Variants in AGBL4 observed in about 807,000 individuals in gnomAD.
AGBL4 encodes cytosolic carboxypeptidase 6.
In AGBL4, 58 loss-of-function variants were observed where a neutral mutation model predicts 66.4. The observed-to-expected ratio is 0.87, with a 90% CI of 0.71 to 1.09. The LOEUF is 1.09. Among genes scored for constraint, AGBL4 ranks in the 50% least tolerant of loss-of-function variants. AGBL4 has a pLI of 0.00. For synonymous variants in AGBL4, 234 were observed against 222.9 expected (o/e 1.05, Z -0.44); for missense variants, 579 against 631.0 (o/e 0.92, Z 0.88).
At chr1:49,945,078 C>A (rs962286323) in intron 1 of AGBL4, among the ~76,000 whole-genome samples, 12 of 152,024 alleles carry the variant, frequency 7.9e-5, no homozygotes, top group African/African-American at 2.9e-4. Flanking sequence ...GTTAAATGAC[C>A]AAACCTAAGA....
intron 5 of AGBL4, among the ~76,000 whole-genome samples, chr1:48,912,103 G>C (rs1346201783): frequency 1.3e-5 from 2 of 152,132 alleles, no homozygotes; most frequent in Non-Finnish European, 2.9e-5. Flanking sequence ...CACTATGCTA[G>C]CCACGGAAAA....
At chr1:49,941,947 T>A (rs531907091) in intron 1 of AGBL4, among the ~76,000 whole-genome samples, 1 of 152,172 alleles carries the variant, frequency 6.6e-6, no homozygotes, top group Non-Finnish European at 1.5e-5. Flanking sequence ...AATTATATGA[T>A]CTTTTACATA....
intron 5 of AGBL4, among the ~76,000 whole-genome samples, chr1:49,030,663 G>A (rs1462818625): frequency 6.6e-6 from 1 of 151,884 alleles, no homozygotes; most frequent in Non-Finnish European, 1.5e-5. Flanking sequence ...GATAATATGA[G>A]GTAGAAGTTT....
At chr1:49,791,439 A>C (rs1341762733) in intron 2 of AGBL4, among the ~76,000 whole-genome samples, 3 of 152,046 alleles carry the variant, frequency 2.0e-5, no homozygotes, top group African/African-American at 7.2e-5. Context: ...CACCTTCCAT[A>C]TAGTATTGTC....
intron 3 of AGBL4, among the ~76,000 whole-genome samples, chr1:49,356,726 A>T (rs1644027082): frequency 6.6e-6 from 1 of 152,224 alleles, no homozygotes; most frequent in Admixed American, 6.5e-5. Flanking sequence ...GAAGTGTGTT[A>T]GTGCTGAAGG....
chr1:48,927,996 G>A (rs1320018407), intron 5 of AGBL4, among the ~76,000 whole-genome samples: 5 of 152,166 alleles, frequency 3.3e-5, no homozygotes, highest in African/African-American at 9.7e-5. Context: ...ATATCTAAGT[G>A]TATGCGTTTT....
intron 5 of AGBL4, among the ~76,000 whole-genome samples, chr1:48,992,747 C>T (rs928245229): frequency 1.3e-5 from 2 of 152,120 alleles, no homozygotes; most frequent in Non-Finnish European, 2.9e-5. Context: ...AGAGGCCTCT[C>T]TCCCTGTGGC....
intron 5 of AGBL4, among the ~76,000 whole-genome samples, chr1:48,884,988 A>T (rs1481798070): frequency 6.6e-6 from 1 of 152,024 alleles, no homozygotes; most frequent in East Asian, 1.9e-4. Flanking sequence ...TAAAAAAAAA[A>T]AAAAAAAGGT....
intron 5 of AGBL4, among the ~76,000 whole-genome samples, chr1:48,951,856 A>G (rs1657016142): frequency 6.6e-6 from 1 of 152,246 alleles, no homozygotes; most frequent in African/African-American, 2.4e-5. Context: ...GCTAACAGGA[A>G]GTGTTGAGGA....
intron 9 of AGBL4, among the ~76,000 whole-genome samples, chr1:48,612,552 G>A (rs923757441): frequency 1.3e-5 from 2 of 152,210 alleles, no homozygotes; most frequent in African/African-American, 2.4e-5. Context: ...CATTGTCTCA[G>A]TACAAAGATC....
At chr1:49,309,804 G>C (rs889639098) in intron 3 of AGBL4, among the ~76,000 whole-genome samples, 8 of 152,062 alleles carry the variant, frequency 5.3e-5, no homozygotes, top group African/African-American at 1.9e-4. Flanking sequence ...TTAAACAAAT[G>C]CATTACCAAA....
chr1:49,329,403 T>C (rs1645286808), intron 3 of AGBL4, among the ~76,000 whole-genome samples: 1 of 151,736 alleles, frequency 6.6e-6, no homozygotes, highest in African/African-American at 2.4e-5. Flanking sequence ...CGGTGGTTCA[T>C]GCCCGTAATC....
At chr1:48,912,407 T>C (rs1653211440) in intron 5 of AGBL4, among the ~76,000 whole-genome samples, 1 of 152,168 alleles carries the variant, frequency 6.6e-6, no homozygotes. Context: ...TGAAGATTGC[T>C]AGAGGGAGAG....
intron 6 of AGBL4, among the ~76,000 whole-genome samples, chr1:48,794,677 C>A (rs927578662): frequency 6.6e-6 from 1 of 152,174 alleles, no homozygotes; most frequent in Non-Finnish European, 1.5e-5. Context: ...TCTTTAAGTT[C>A]TTTTGACCTC....
intron 3 of AGBL4, among the ~76,000 whole-genome samples, chr1:49,447,267 A>G (rs1463333717): frequency 1.3e-5 from 2 of 152,174 alleles, no homozygotes; most frequent in African/African-American, 2.4e-5. Flanking sequence ...CAGGCTCTGG[A>G]AAGTGCATAC....
intron 3 of AGBL4, among the ~76,000 whole-genome samples, chr1:49,263,871 CA>C (rs1653474531): frequency 6.6e-6 from 1 of 151,678 alleles, no homozygotes; most frequent in African/African-American, 2.4e-5. Context: ...AATAGGAAAA[CA>C]AAAAAGTAAC....
intron 3 of AGBL4, among the ~76,000 whole-genome samples, chr1:49,589,135 A>G (rs1644706820): frequency 6.6e-6 from 1 of 152,162 alleles, no homozygotes; most frequent in African/African-American, 2.4e-5. Context: ...AAAACAGAGA[A>G]GTTCAATATA....
intron 1 of AGBL4, among the ~76,000 whole-genome samples, chr1:49,973,821 A>G (rs1410218234): frequency 1.3e-5 from 2 of 151,318 alleles, no homozygotes; most frequent in African/African-American, 2.4e-5. Context: ...TTTTTTAGTG[A>G]TACTTTAACA....
intron 3 of AGBL4, among the ~76,000 whole-genome samples, chr1:49,656,743 CA>C (rs1173016227): frequency 6.6e-6 from 1 of 152,100 alleles, no homozygotes; most frequent in Non-Finnish European, 1.5e-5. Context: ...TAAACAGAAC[CA>C]AAGACAAAAA....
Sources: gnomAD v4.1 joint callset for allele counts (sites outside exome capture counted in the v4.1 genomes callset) on GRCh38, gnomAD v4.1.1 for gene constraint, MANE v1.5 for transcripts, NCBI Gene and HGNC (gene_info 2026-07-23, HGNC 2026-07-21) for gene names.